TIAM1: variants seen among roughly 807,000 people sequenced by gnomAD.
TIAM1 encodes the protein TIAM Rac1 associated GEF 1, also known as rho guanine nucleotide exchange factor TIAM1.
In TIAM1, 65 loss-of-function variants were observed where a neutral mutation model predicts 163.5. That is an observed-to-expected ratio of 0.40 (90% CI 0.33 to 0.49). The LOEUF is 0.49. Among genes scored for constraint, TIAM1 ranks in the 20% least tolerant of loss-of-function variants. The probability of loss-of-function intolerance (pLI) is 0.77; values close to 1 mark genes in which losing one functional copy is unlikely to be tolerated. For synonymous variants in TIAM1, 833 were observed against 810.1 expected, an observed-to-expected ratio of 1.03 and a Z score of -0.48; for missense variants, 1,789 against 2,044.7, an observed-to-expected ratio of 0.87 and a Z score of 2.41.
At chr21:31,151,168 A>C (rs1407881604) in intron 19 of TIAM1, among the ~76,000 whole-genome samples, 1 of 152,224 alleles carries the variant, frequency 6.6e-6, no homozygotes, top group Non-Finnish European at 1.5e-5. Context: ...GCAGTTTCTT[A>C]AAAAGTTAAA....
intron 15 of TIAM1, among the ~76,000 whole-genome samples, chr21:31,169,187 G>C (rs2146382042): frequency 6.6e-6 from 1 of 152,240 alleles, no homozygotes. Flanking sequence ...CCAGCTACTT[G>C]GGAGGCTGAG....
intron 11 of TIAM1, among the ~76,000 whole-genome samples, chr21:31,204,192 AT>A (rs2086339579): frequency 1.3e-5 from 2 of 152,188 alleles, no homozygotes; most frequent in Admixed American, 6.5e-5. Context: ...AAACCAAGTG[AT>A]TTTTTTAAGC....
intron 6 of TIAM1, among the ~76,000 whole-genome samples, chr21:31,241,034 T>G (rs1230373620): frequency 6.6e-6 from 1 of 151,968 alleles, no homozygotes; most frequent in African/African-American, 2.4e-5. Context: ...TAAAGGGGAG[T>G]TCCCCTGCAC....
chr21:31,216,233 T>A (rs2087201647), intron 9 of TIAM1, among the ~76,000 whole-genome samples: 1 of 152,184 alleles, frequency 6.6e-6, no homozygotes, highest in South Asian at 2.1e-4. Flanking sequence ...ACTCAGGGCA[T>A]CAGCTTTCAG....
chr21:31,170,504 G>T (rs2084450712), intron 15 of TIAM1, among the ~76,000 whole-genome samples: 1 of 152,064 alleles, frequency 6.6e-6, no homozygotes, highest in Non-Finnish European at 1.5e-5. Flanking sequence ...AGAAAAAAAG[G>T]CCAATAACAC....
At chr21:31,291,391 C>A (rs2074013990) in intron 2 of TIAM1, among the ~76,000 whole-genome samples, 1 of 152,222 alleles carries the variant, frequency 6.6e-6, no homozygotes, top group Non-Finnish European at 1.5e-5. Context: ...AGAAAGTCTG[C>A]TGATGATGGA....
At chr21:31,168,445 G>GGGTTCACAGA (rs1159602589) in intron 15 of TIAM1, among the ~76,000 whole-genome samples, 3 of 151,940 alleles carry the variant, frequency 2.0e-5, no homozygotes, top group Non-Finnish European at 1.5e-5. Flanking sequence ...CTGTGGCCCA[G>GGGTTCACAGA]GCTGGAGTGC....
chr21:31,297,061 G>A (rs1050587421), intron 2 of TIAM1, among the ~76,000 whole-genome samples: 3 of 152,132 alleles, frequency 2.0e-5, no homozygotes, highest in Non-Finnish European at 2.9e-5. Flanking sequence ...CTAGAGGAAC[G>A]TTCTAGGGAT....
intron 14 of TIAM1, among the ~76,000 whole-genome samples, chr21:31,185,808 A>G (rs1175376643): frequency 1.3e-5 from 2 of 151,790 alleles, no homozygotes; most frequent in African/African-American, 4.8e-5. Context: ...TGACACAGAG[A>G]CACACACAGG....
At chr21:31,453,124 T>C (rs2044935342) in intron 2 of TIAM1, 2 of 315,046 alleles carry the variant, frequency 6.3e-6, no homozygotes, top group African/African-American at 2.2e-5. Context: ...GTGATGAGGA[T>C]TCTCCTGAAA....
intron 13 of TIAM1, among the ~76,000 whole-genome samples, chr21:31,190,089 G>A (rs1397156476): frequency 1.3e-5 from 2 of 152,110 alleles, no homozygotes; most frequent in Non-Finnish European, 2.9e-5. Context: ...TCAGGAGAAC[G>A]AAGGAAGTGC....
intron 19 of TIAM1, among the ~76,000 whole-genome samples, chr21:31,151,035 G>A (rs1339106521): frequency 6.6e-6 from 1 of 152,206 alleles, no homozygotes; most frequent in Non-Finnish European, 1.5e-5. Context: ...GAACCATAAT[G>A]AGCTGCTACT....
Position 31,118,853 on chromosome 21 carries a change from G to A in TIAM1, c.*1515C>T. 2.9e-6 allele frequency: 1 copy of A among 340,222 alleles called. No homozygotes were observed. The highest frequency in any genetic ancestry group is 4.2e-5 in the Admixed American group (1 of 23,674). The allele number at this position is 340,222 out of a possible 1,614,324, so 21.1% of individuals were successfully genotyped here. On this transcript the variant is annotated 3_prime_UTR_variant, in exon 28 of 28. Coordinates refer to ENST00000541036, the MANE Select transcript of TIAM1 (RefSeq NM_001353694.2). ...GGCGGGGGGAATACAGGGTGGGAAC[G>A]CAGGAAAAGCAGGCAGAGGCACAAG...
At chr21:31,381,933 A>G (rs1324752711) in intron 2 of TIAM1, among the ~76,000 whole-genome samples, 1 of 152,198 alleles carries the variant, frequency 6.6e-6, no homozygotes, top group Non-Finnish European at 1.5e-5. Flanking sequence ...GAACCCAATC[A>G]TCAGGGACCT....
At chr21:31,179,722 A>T (rs1383138136) in intron 15 of TIAM1, among the ~76,000 whole-genome samples, 3 of 152,058 alleles carry the variant, frequency 2.0e-5, no homozygotes, top group Non-Finnish European at 4.4e-5. Context: ...CACACAAAAG[A>T]CCAGACAGCA....
chr21:31,422,752 T>C (rs1482401474), intron 2 of TIAM1, among the ~76,000 whole-genome samples: 1 of 152,216 alleles, frequency 6.6e-6, no homozygotes, highest in East Asian at 1.9e-4. Context: ...TTTGTACCTT[T>C]GCTCATGATC....
At chr21:31,213,237 AT>A (rs1479879325) in intron 10 of TIAM1, 160 bp downstream of exon 10, 2 of 587,360 alleles carry the variant, frequency 3.4e-6, no homozygotes, top group Non-Finnish European at 2.9e-6. Context: ...ATATAAAATG[AT>A]TTTCCATCTC....
At chr21:31,466,536 G>A (rs929049943) in intron 1 of TIAM1, among the ~76,000 whole-genome samples, 20 of 152,268 alleles carry the variant, frequency 1.3e-4, no homozygotes, top group East Asian at 9.7e-4. Flanking sequence ...CAGAGAAGCC[G>A]GATTCAAGTT....
chr21:31,172,515 G>A (rs187170993), intron 15 of TIAM1, among the ~76,000 whole-genome samples: 12 of 152,282 alleles, frequency 7.9e-5, no homozygotes, highest in African/African-American at 2.9e-4. Context: ...GAAGAAAGCT[G>A]AAGATAAGGC....
Sources: gnomAD v4.1 joint callset for allele counts (sites outside exome capture counted in the v4.1 genomes callset) on GRCh38, gnomAD v4.1.1 for gene constraint, MANE v1.5 for transcripts, NCBI Gene and HGNC (gene_info 2026-07-23, HGNC 2026-07-21) for gene names.